DOCK5: variants seen among roughly 807,000 people sequenced by gnomAD.
DOCK5 encodes dedicator of cytokinesis protein 5.
In DOCK5, 142 loss-of-function variants were observed where a neutral mutation model predicts 251.8. The observed-to-expected ratio is 0.56, with a 90% CI of 0.49 to 0.65. The LOEUF (loss-of-function observed/expected upper bound fraction) is 0.65, where lower values mean the gene tolerates loss of function less well. Ranked by LOEUF, DOCK5 falls within the 30% of genes least tolerant of loss-of-function variation. The pLI, the probability that DOCK5 is intolerant of heterozygous loss-of-function variation, is 0.00. For missense variants in DOCK5, 2,111 were observed against 2,312.3 expected (o/e 0.91, Z 1.79); for synonymous variants, 842 against 835.5 (o/e 1.01, Z -0.13).
chr8:25,208,072 C>T (rs1294810243), intron 1 of DOCK5, among the ~76,000 whole-genome samples: 2 of 152,076 alleles, frequency 1.3e-5, no homozygotes. Context: ...GAAGGATGTC[C>T]CTGCAGATGT....
intron 1 of DOCK5, among the ~76,000 whole-genome samples, chr8:25,195,893 C>T (rs188385808): frequency 4.5e-4 from 68 of 152,284 alleles, no homozygotes; most frequent in African/African-American, 1.6e-3. Flanking sequence ...CATAGTAAGT[C>T]CTCAGTGAAT....
At chr8:25,245,330 A>T (rs1803070358) in intron 2 of DOCK5, among the ~76,000 whole-genome samples, 1 of 152,166 alleles carries the variant, frequency 6.6e-6, no homozygotes, top group Non-Finnish European at 1.5e-5. Flanking sequence ...TGCTGGGATT[A>T]CAGGTGTGAG....
intron 40 of DOCK5, among the ~76,000 whole-genome samples, chr8:25,386,886 T>C (rs1463209420): frequency 6.6e-6 from 1 of 152,228 alleles, no homozygotes; most frequent in Non-Finnish European, 1.5e-5. Context: ...TTCTGATCCG[T>C]AATTTAGAAA....
At chr8:25,359,245 GA>G (rs952397556) in intron 28 of DOCK5, among the ~76,000 whole-genome samples, 184 bp downstream of exon 28, 1 of 152,220 alleles carries the variant, frequency 6.6e-6, no homozygotes, top group African/African-American at 2.4e-5. Flanking sequence ...GATAGGATTT[GA>G]AAAAGAGTAC....
At chr8:25,379,734 T>C (rs1801029757) in intron 38 of DOCK5, among the ~76,000 whole-genome samples, 2 of 152,198 alleles carry the variant, frequency 1.3e-5, no homozygotes, top group Admixed American at 1.3e-4. Context: ...TCACAATTTA[T>C]GTTCCTCTGC....
At chr8:25,377,945 A>G (rs1412230466) in intron 38 of DOCK5, among the ~76,000 whole-genome samples, 4 of 149,338 alleles carry the variant, frequency 2.7e-5, no homozygotes, top group South Asian at 4.2e-4. Flanking sequence ...GGGTCTCACC[A>G]GTTGCCCAGG....
chr8:25,269,702 C>A lies in DOCK5; in HGVS notation c.168+817C>A, dbSNP rs138337022. 3.7e-3 allele frequency among the ~76,000 whole-genome samples: 557 copies of A among 152,314 alleles called. 1 individual carries two copies. The highest frequency in any genetic ancestry group is 0.013 in the African/African-American group (535 of 41,580). ...TCAGCACTTTTCCTTTGATACTGCT[C>A]GCTGGGGCAGCATGACATGTCAGCA... On this transcript the variant is annotated intron_variant, in intron 3 of 51. Transcript: ENST00000276440.
chr8:25,208,294 CAGTGGA>C (rs1288360930), intron 1 of DOCK5, among the ~76,000 whole-genome samples: 6 of 152,166 alleles, frequency 3.9e-5, no homozygotes, highest in African/African-American at 1.4e-4. Flanking sequence ...GTTGACAAAG[CAGTGGA>C]AAGGTTTGAG....
chr8:25,184,889 C>G lies in DOCK5; in HGVS notation c.-20C>G. 2 of 1,386,708 alleles carry G rather than the reference C, an allele frequency of 1.4e-6. No individual in the cohort carries two copies. Among genetic ancestry groups the G allele is most frequent in the Non-Finnish European group, 1.9e-6 (2 of 1,062,976 alleles). 85.9% of individuals were successfully genotyped at this position (1,386,708 alleles called of 1,614,324 possible). A position where few individuals can be genotyped will look rare whatever the true frequency, so the allele number is the denominator to read the frequency against. ...CTGTAGCAGCCTTAGTCGCCGCCGC[C>G]GCGGGGCGAGGTCGCCGCCATGGCC... On this transcript the variant is annotated 5_prime_UTR_variant, in exon 1 of 52. Transcript: ENST00000276440.
rs200291869 is a variant in DOCK5 at position 25,342,543 on chromosome 8, A to G, written c.2617+36A>G. Reference sequence around the variant, plus strand: ...TTCAAAACTTGCTGCATGAGGTTGCAGTGAGCTGAGATTGCACCATTGCAC... The same window carrying G: ...TTCAAAACTTGCTGCATGAGGTTGCGGTGAGCTGAGATTGCACCATTGCAC... On this transcript the variant is annotated intron_variant, in intron 25 of 51. Transcript: ENST00000276440. The G allele has an allele frequency of 3.6e-4, 538 of 1,497,806 alleles. 5 individuals carry two copies. The East Asian group carries it at 0.011, about 31-fold the overall frequency. The allele number at this position is 1,497,806 out of a possible 1,614,324, so 92.8% of individuals were successfully genotyped here.
In DOCK5 at chr8:25,389,174, G is replaced by A. The variant is rs372464639; in HGVS notation, c.4215G>A (p.Ala1405=). 1.2e-4 allele frequency: 192 copies of A among 1,614,002 alleles called. 1 individual carries two copies. The highest frequency in any genetic ancestry group is 6.6e-4 in the Middle Eastern group (4 of 6,060). The part of the protein sequence containing the change: ...SLRLLTQFPN[A]EKMTSTTPPG... ...GGTTGTTAACCCAGTTCCCCAATGCGGAGAAGATGACCAGTACCACGCCTC... is the reference window on the plus strand; with the variant it reads ...GGTTGTTAACCCAGTTCCCCAATGCAGAGAAGATGACCAGTACCACGCCTC... Residue 1405 remains alanine (A), a synonymous_variant, in exon 41 of 52, where the codon GCG becomes GCA. Coordinates refer to ENST00000276440, the MANE Select transcript of DOCK5 (RefSeq NM_024940.8).
At chr8:25,260,020 T>G (rs2117581034) in intron 2 of DOCK5, among the ~76,000 whole-genome samples, 1 of 152,282 alleles carries the variant, frequency 6.6e-6, no homozygotes, top group Non-Finnish European at 1.5e-5. Flanking sequence ...AGGAAGGCGG[T>G]GAGTGTGCTG....
chr8:25,375,109 C>A, intron 37 of DOCK5: 2 of 628,504 alleles, frequency 3.2e-6, no homozygotes, highest in Non-Finnish European at 4.1e-6. Context: ...TAGCCCTGAG[C>A]ACCTTCTCTA....
At chr8:25,382,480 C>A (rs558542556) in intron 39 of DOCK5, among the ~76,000 whole-genome samples, 194 bp from the exon 40 acceptor site, 1 of 152,196 alleles carries the variant, frequency 6.6e-6, no homozygotes, top group Non-Finnish European at 1.5e-5. Context: ...AGCCTTCCAA[C>A]GTCCATTCAT....
chr8:25,332,207 G>T, intron 18 of DOCK5, 44 bp from the exon 19 acceptor site: 7 of 1,472,510 alleles, frequency 4.8e-6, no homozygotes, highest in Non-Finnish European at 6.7e-6. Context: ...AAATGGTCTG[G>T]GTTGTTCTCA....
intron 9 of DOCK5, 105 bp from the exon 10 acceptor site, chr8:25,302,220 A>G (rs900993944): frequency 1.4e-6 from 2 of 1,413,268 alleles, no homozygotes; most frequent in Non-Finnish European, 9.3e-7. Context: ...AGCATTGAGA[A>G]ATAAGGTCGG....
chr8:25,193,171 A>C (rs905634041), intron 1 of DOCK5, among the ~76,000 whole-genome samples: 2 of 152,138 alleles, frequency 1.3e-5, no homozygotes, highest in Admixed American at 6.6e-5. Flanking sequence ...CCTAGGGGAG[A>C]GGCAGGGTTC....
At chr8:25,294,392 G>A (rs1045548391) in intron 6 of DOCK5, among the ~76,000 whole-genome samples, 2 of 152,182 alleles carry the variant, frequency 1.3e-5, no homozygotes, top group African/African-American at 4.8e-5. Context: ...CCAAAGACTT[G>A]GCACATTGCA....
intron 10 of DOCK5, among the ~76,000 whole-genome samples, chr8:25,302,764 T>A (rs2709635): frequency 0.72 from 109,765 of 152,060 alleles, 41,195 homozygotes; most frequent in Non-Finnish European, 0.83. Flanking sequence ...TGCTACACAC[T>A]GCGTGGATGA....
Sources: gnomAD v4.1 joint callset for allele counts (sites outside exome capture counted in the v4.1 genomes callset) on GRCh38, gnomAD v4.1.1 for gene constraint, MANE v1.5 for transcripts, NCBI Gene and HGNC (gene_info 2026-07-23, HGNC 2026-07-21) for gene names.